The following POGZ variants were observed in gnomAD, a reference collection of about 807,000 sequenced individuals.
POGZ encodes pogo transposable element derived with ZNF domain, also known as pogo transposable element with ZNF domain.
Under a neutral mutation model 134.6 loss-of-function variants are expected in POGZ, and 17 were observed. The ratio of observed to expected loss-of-function variants is 0.13; its 90% confidence interval spans 0.09 to 0.19. The LOEUF (loss-of-function observed/expected upper bound fraction) is 0.19. Ranked by LOEUF, POGZ falls within the 10% of genes least tolerant of loss-of-function variation. The pLI is 1.00. For missense variants in POGZ, 1,306 were observed against 1,769.7 expected (o/e 0.74, Z 4.70); for synonymous variants, 693 against 657.1 (o/e 1.05, Z -0.84).
chr1:151,429,657 T>C lies in POGZ; in HGVS notation c.514A>G (p.Ile172Val). ...PVQNAMNQVGIVLNVQQGQTV... is the reference protein window; with the variant it reads ...PVQNAMNQVGVVLNVQQGQTV... ...TGGCCTTGCTGTACGTTCAGCACAA[T>C]CCCAACCTGATTCATTGCATTTTGT... The change falls in exon 5 of 19, where the codon ATT (isoleucine) becomes GTT (valine). Residue 172 changes from isoleucine to valine, a missense_variant. By Grantham distance (29) the Ile-to-Val change is conservative. This residue lies in a region of POGZ where 541 missense variants were observed against 680.5 expected (regional missense o/e 0.80). Transcript: ENST00000271715. The C allele has an allele frequency of 1.2e-6, 2 of 1,613,582 alleles. No individual in the cohort carries two copies. The highest frequency in any genetic ancestry group is 1.7e-6 in the Non-Finnish European group (2 of 1,179,544).
At chr1:151,433,606 CAAAAAAA>C (rs57509550) in intron 3 of POGZ, among the ~76,000 whole-genome samples, 2 of 81,738 alleles carry the variant, frequency 2.4e-5, no homozygotes, top group East Asian at 7.9e-4. Context: ...AATTCCGTCT[CAAAAAAA>C]AAAAAAAAAA....
chr1:151,457,148 T>C (rs1397447451), intron 1 of POGZ, among the ~76,000 whole-genome samples: 1 of 152,208 alleles, frequency 6.6e-6, no homozygotes, highest in Non-Finnish European at 1.5e-5. Context: ...ATTATACCAC[T>C]AGTTCAAGAT....
At chr1:151,447,019 T>C (rs1194568782) in intron 1 of POGZ, among the ~76,000 whole-genome samples, 3 of 152,134 alleles carry the variant, frequency 2.0e-5, no homozygotes, top group Admixed American at 2.0e-4. Context: ...GAAACAAATC[T>C]CTAAAACATC....
chr1:151,434,545 T>A (rs1659266639), intron 3 of POGZ, among the ~76,000 whole-genome samples: 2 of 152,168 alleles, frequency 1.3e-5, no homozygotes, highest in Admixed American at 1.3e-4. Context: ...GACAATTAAT[T>A]CCATGAGTTT....
rs188902528 is a variant in POGZ at position 151,440,326 on chromosome 1, C to T, written c.283+602G>A. Among the ~76,000 whole-genome samples, 284 of 151,944 alleles carry T rather than the reference C, an allele frequency of 1.9e-3. 1 individual carries two copies. The highest frequency in any genetic ancestry group is 6.4e-3 in the African/African-American group (267 of 41,474). ...TGCAATGACTCTATGAAAGTGCCTA[C>T]TTCAGTTATGAATCTTGAGACATAA... is the stretch of plus-strand genomic sequence containing the variant. On this transcript the variant is annotated intron_variant, in intron 3 of 18. Transcript: ENST00000271715.
rs768014517 is a variant in POGZ, at chr1:151,406,438, T to C, written c.2597A>G (p.His866Arg). ...SRHGQTRDRV[H>R]DRNVKNMYPP... ...GTACATATTCTTCACGTTCCGGTCA[T>C]GCACTCGGTCACGAGTCTGGCCATG... Residue 866 changes from histidine (H) to arginine (R), a missense_variant, in exon 19 of 19, where the codon CAT becomes CGT. Transcript: ENST00000271715. The C allele has an allele frequency of 5.2e-6, 8 of 1,551,214 alleles. No homozygotes were observed. Among genetic ancestry groups the C allele is most frequent in the South Asian group, 1.3e-5 (1 of 79,890 alleles).
intron 10 of POGZ, among the ~76,000 whole-genome samples, chr1:151,420,988 CATAT>C (rs71090165): frequency 2.8e-5 from 4 of 144,926 alleles, no homozygotes; most frequent in African/African-American, 5.1e-5. Flanking sequence ...CGTGTTTTTT[CATAT>C]ATATATATAT....
intron 1 of POGZ, among the ~76,000 whole-genome samples, chr1:151,453,409 T>C (rs910085642): frequency 6.6e-6 from 1 of 151,972 alleles, no homozygotes; most frequent in Non-Finnish European, 1.5e-5. Context: ...CAGGACCAAT[T>C]TTCATGTAGC....
chr1:151,411,862 TAA>T, intron 11 of POGZ, 91 bp from the exon 12 acceptor site: 25 of 988,880 alleles, frequency 2.5e-5, no homozygotes, highest in Non-Finnish European at 3.3e-5. Flanking sequence ...ATTTTTAAAT[TAA>T]AAAAAAAAAG....
At chr1:151,414,739 G>A (rs576840402) in intron 10 of POGZ, among the ~76,000 whole-genome samples, 12 of 152,146 alleles carry the variant, frequency 7.9e-5, no homozygotes, top group African/African-American at 1.7e-4. Context: ...CCAAGATGGC[G>A]CCACTACACT....
rs1654706460 is a variant in POGZ at position 151,411,709 on chromosome 1, C to T, written c.1842G>A (p.Glu614=). The T allele has an allele frequency of 3.1e-6, 5 of 1,613,528 alleles. No individual in the cohort carries two copies. The highest frequency in any genetic ancestry group is 4.2e-6 in the Non-Finnish European group (5 of 1,179,684). The change falls in exon 12 of 19, where the codon GAG becomes GAA. Residue 614 remains glutamate, a synonymous_variant. Coordinates refer to ENST00000271715, the MANE Select transcript of POGZ (RefSeq NM_015100.4). ...AAGGGCAGAGCAGATGCCGGGTATC[C>T]TCATGGATCATCCGAAAATGGACAT... ...EVDVHFRMIH[E]DTRHLLCPYC...
chr1:151,446,408 G>C (rs13374708), intron 1 of POGZ, among the ~76,000 whole-genome samples: 2 of 151,928 alleles, frequency 1.3e-5, no homozygotes, highest in African/African-American at 2.4e-5. Context: ...CTGCCAAACA[G>C]AAATGCGAAT....
intron 1 of POGZ, among the ~76,000 whole-genome samples, chr1:151,445,129 CCTAACTACTTTTTA>C (rs1661085047): frequency 6.6e-6 from 1 of 152,054 alleles, no homozygotes; most frequent in African/African-American, 2.4e-5. Context: ...ATGTTTATGT[CCTAACTACTTTTTA>C]ATCAAGTGAG....
chr1:151,408,012 CAAAAA>C (rs776996426), intron 15 of POGZ, 83 bp downstream of exon 15: 31 of 910,210 alleles, frequency 3.4e-5, no homozygotes, highest in African/African-American at 2.4e-4. Context: ...ACCCTGTCTT[CAAAAA>C]AAAAAAAAAA....
At chr1:151,420,096 G>A (rs1656629274) in intron 10 of POGZ, among the ~76,000 whole-genome samples, 1 of 152,098 alleles carries the variant, frequency 6.6e-6, no homozygotes, top group Admixed American at 6.5e-5. Flanking sequence ...GCTGAGGTGG[G>A]AGGACTGCTT....
chr1:151,421,721 T>A (rs1339926260), intron 10 of POGZ, among the ~76,000 whole-genome samples: 4 of 152,200 alleles, frequency 2.6e-5, no homozygotes, highest in Admixed American at 1.3e-4. Flanking sequence ...CATTTCTGTA[T>A]CTCTCAGTTA....
rs1261532335 is a variant in POGZ at position 151,406,409 on chromosome 1, G to A, written c.2626C>T (p.Pro876Ser). The change falls in exon 19 of 19, where the codon CCT becomes TCT. Residue 876 changes from proline to serine, a missense_variant. By Grantham distance (74) the Pro-to-Ser change is moderately conservative (BLOSUM62 -1). Around this residue, in one of 10 missense-constraint regions of POGZ, gnomAD observed 214 missense variants for 255.5 expected, o/e 0.84. Coordinates refer to ENST00000271715, the MANE Select transcript of POGZ (RefSeq NM_015100.4). ...HDRNVKNMYP[P>S]PSFPTNKAAT... Reference sequence around the variant, plus strand: ...GCTTTGTTAGTGGGGAAGGAAGGAGGAGGGTACATATTCTTCACGTTCCGG... The same window carrying A: ...GCTTTGTTAGTGGGGAAGGAAGGAGAAGGGTACATATTCTTCACGTTCCGG... 2.6e-6 allele frequency: 4 copies of A among 1,568,250 alleles called. No homozygotes were observed. The highest frequency in any genetic ancestry group is 1.4e-5 in the African/African-American group (1 of 73,306).
chr1:151,454,278 A>C (rs966773629), intron 1 of POGZ, among the ~76,000 whole-genome samples: 1 of 152,228 alleles, frequency 6.6e-6, no homozygotes, highest in African/African-American at 2.4e-5. Context: ...AATCCTCAAC[A>C]TAACTGGTAA....
chr1:151,415,710 C>T (rs1168900010), intron 10 of POGZ, among the ~76,000 whole-genome samples: 2 of 150,266 alleles, frequency 1.3e-5, no homozygotes, highest in South Asian at 2.1e-4. Context: ...AAGAAATGTA[C>T]CTTAAGATAG....
Sources: allele counts gnomAD v4.1 joint callset (sites outside exome capture counted in the v4.1 genomes callset), GRCh38; gene constraint gnomAD v4.1.1; regional missense constraint gnomAD v4.1.1; transcripts MANE v1.5; gene names NCBI Gene and HGNC (gene_info 2026-07-23, HGNC 2026-07-21).